The following APBA2 variants were observed in gnomAD, a reference collection of about 807,000 sequenced individuals.
APBA2 encodes amyloid beta precursor protein binding family A member 2.
In APBA2, 30 loss-of-function variants were observed where a neutral mutation model predicts 75.0. The observed-to-expected ratio is 0.40, with a 90% CI of 0.30 to 0.54. APBA2 has a LOEUF of 0.54. Ranked by LOEUF, APBA2 falls within the 20% of genes least tolerant of loss-of-function variation. The probability of loss-of-function intolerance (pLI) is 0.49; values close to 1 mark genes in which losing one functional copy is unlikely to be tolerated. For synonymous variants in APBA2, 444 were observed against 409.6 expected, an observed-to-expected ratio of 1.08 and a Z score of -1.01; for missense variants, 801 against 1,016.1, an observed-to-expected ratio of 0.79 and a Z score of 2.88.
chr15:28,891,470 C>T (rs2032127365), intron 1 of APBA2, among the ~76,000 whole-genome samples: 1 of 152,150 alleles, frequency 6.6e-6, no homozygotes, highest in Non-Finnish European at 1.5e-5. Context: ...ATTTTCAACA[C>T]GTGCCGAGAG....
At chr15:28,988,453 G>A (rs1485201159) in intron 2 of APBA2, among the ~76,000 whole-genome samples, 4 of 150,814 alleles carry the variant, frequency 2.7e-5, no homozygotes, top group African/African-American at 7.3e-5. Flanking sequence ...TGGTAGAGAC[G>A]AGGTTTCGCC....
At chr15:29,020,441 T>C (rs979949158) in intron 3 of APBA2, among the ~76,000 whole-genome samples, 1 of 152,178 alleles carries the variant, frequency 6.6e-6, no homozygotes, top group African/African-American at 2.4e-5. Context: ...AACCAGTCTG[T>C]TGAGGTAAGA....
intron 1 of APBA2, among the ~76,000 whole-genome samples, chr15:28,894,595 G>A (rs1313003710): frequency 6.6e-6 from 1 of 152,200 alleles, no homozygotes; most frequent in African/African-American, 2.4e-5. Flanking sequence ...GGACTATGTG[G>A]TTTGTGTAGG....
In APBA2 at chr15:29,030,508, G is replaced by T. The variant is rs559619946; in HGVS notation, c.-40-23337G>T. Among the ~76,000 whole-genome samples the T allele has an allele frequency of 1.8e-3, 278 of 151,602 alleles. 1 individual carries two copies. The highest frequency in any genetic ancestry group is 6.7e-3 in the African/African-American group (276 of 41,412). ...TAATAATAATAATAATAAAATAAAG[G>T]AGAAACGCTTAAGGGAATTCTGTTT... On this transcript the variant is annotated intron_variant, in intron 3 of 14. Coordinates refer to ENST00000683413, the MANE Select transcript of APBA2 (RefSeq NM_001353788.2).
chr15:28,928,196 G>A (rs1291219390), intron 2 of APBA2, among the ~76,000 whole-genome samples: 3 of 151,228 alleles, frequency 2.0e-5, no homozygotes, highest in African/African-American at 7.3e-5. Flanking sequence ...AGCATGCCTT[G>A]TAAGTTATTT....
chr15:28,934,953 C>A (rs941236781), intron 2 of APBA2, among the ~76,000 whole-genome samples: 4 of 152,178 alleles, frequency 2.6e-5, no homozygotes, highest in African/African-American at 9.7e-5. Flanking sequence ...TGACACGCTG[C>A]GTGCTTATGA....
At chr15:29,006,809 T>C (rs7164987) in intron 3 of APBA2, among the ~76,000 whole-genome samples, 18,550 of 152,200 alleles carry the variant, frequency 0.12, 1,610 homozygotes, top group East Asian at 0.27. Context: ...AGATTTGGCG[T>C]GGGACATAGC....
chr15:29,004,284 A>G (rs1364072339), intron 3 of APBA2, among the ~76,000 whole-genome samples: 1 of 152,128 alleles, frequency 6.6e-6, no homozygotes, highest in East Asian at 1.9e-4. Context: ...CTTGGAAGTG[A>G]AGGTCTTACC....
intron 4 of APBA2, chr15:29,071,015 A>G (rs1199068445): frequency 2.2e-6 from 1 of 455,104 alleles, no homozygotes; most frequent in Non-Finnish European, 4.4e-6. Context: ...GATGCCCTCT[A>G]TCCCTAACCT....
chr15:28,976,841 A>T (rs1188911230), intron 2 of APBA2, among the ~76,000 whole-genome samples: 1 of 152,204 alleles, frequency 6.6e-6, no homozygotes, highest in Non-Finnish European at 1.5e-5. Flanking sequence ...CATAACATTC[A>T]GCATCTCATC....
chr15:29,047,970 C>T (rs1566943949), intron 3 of APBA2, among the ~76,000 whole-genome samples: 1 of 151,906 alleles, frequency 6.6e-6, no homozygotes, highest in Non-Finnish European at 1.5e-5. Flanking sequence ...AATTACAAAG[C>T]CGTTGAGAGA....
chr15:28,977,735 C>T (rs1367480908), intron 2 of APBA2, among the ~76,000 whole-genome samples: 2 of 152,330 alleles, frequency 1.3e-5, no homozygotes, highest in East Asian at 1.9e-4. Context: ...GCCTACCTTC[C>T]TGCTCTCGTA....
intron 3 of APBA2, among the ~76,000 whole-genome samples, chr15:29,034,964 G>A (rs1292703608): frequency 6.6e-6 from 1 of 152,214 alleles, no homozygotes; most frequent in Non-Finnish European, 1.5e-5. Flanking sequence ...ATGACAGAAT[G>A]GGAAGTTTGG....
chr15:29,008,487 A>G (rs1224866606), intron 3 of APBA2, among the ~76,000 whole-genome samples: 1 of 152,176 alleles, frequency 6.6e-6, no homozygotes, highest in African/African-American at 2.4e-5. Context: ...TATTGAAAGC[A>G]TAGATGGCAG....
At chr15:29,101,462 C>A in intron 9 of APBA2, 137 bp from the exon 10 acceptor site, 2 of 852,958 alleles carry the variant, frequency 2.3e-6, no homozygotes, top group African/African-American at 1.7e-5. Flanking sequence ...GAACTCCTGA[C>A]CTCAGGTGAT....
chr15:29,038,697 G>C, intron 3 of APBA2, among the ~76,000 whole-genome samples: 2 of 121,594 alleles, frequency 1.6e-5, no homozygotes, highest in South Asian at 2.9e-4. Flanking sequence ...TTTCTGAGAC[G>C]AAGTCTCACT....
chr15:29,108,534 G>A (rs1057447682), intron 13 of APBA2, 145 bp downstream of exon 13: 2 of 1,318,246 alleles, frequency 1.5e-6, no homozygotes, highest in Non-Finnish European at 2.1e-6. Flanking sequence ...CAGGCCACCT[G>A]GGGCAGGAAC....
chr15:28,911,153 G>T (rs898523144), intron 1 of APBA2, among the ~76,000 whole-genome samples: 1 of 152,168 alleles, frequency 6.6e-6, no homozygotes, highest in African/African-American at 2.4e-5. Flanking sequence ...GGAGCAGAAG[G>T]TTTTCTCTTC....
chr15:29,038,372 T>C (rs747339447), intron 3 of APBA2, among the ~76,000 whole-genome samples: 1 of 152,156 alleles, frequency 6.6e-6, no homozygotes, highest in Non-Finnish European at 1.5e-5. Context: ...GCTCAGAGGA[T>C]TGGGGGATTG....
Sources: allele counts gnomAD v4.1 joint callset (sites outside exome capture counted in the v4.1 genomes callset), GRCh38; gene constraint gnomAD v4.1.1; transcripts MANE v1.5; gene names NCBI Gene and HGNC (gene_info 2026-07-23, HGNC 2026-07-21).